The following SLIT3 variants were observed in gnomAD, a reference collection of about 807,000 sequenced individuals.
The protein encoded by SLIT3 is slit guidance ligand 3.
In SLIT3, 68 loss-of-function variants were observed where a neutral mutation model predicts 184.0. The observed-to-expected ratio is 0.37, with a 90% CI of 0.30 to 0.45. The LOEUF is 0.45. Ranked by LOEUF, SLIT3 falls within the 20% of genes least tolerant of loss-of-function variation. SLIT3 has a pLI of 1.00. For missense variants in SLIT3, 1,707 were observed against 2,026.0 expected, an observed-to-expected ratio of 0.84 and a Z score of 3.02; for synonymous variants, 831 against 828.6, an observed-to-expected ratio of 1.00 and a Z score of -0.05.
At chr5:168,948,442 A>C (rs1189244642) in intron 4 of SLIT3, among the ~76,000 whole-genome samples, 2 of 152,132 alleles carry the variant, frequency 1.3e-5, no homozygotes, top group Non-Finnish European at 2.9e-5. Flanking sequence ...CTGCAGATGG[A>C]TGTGAGGCTG....
intron 3 of SLIT3, among the ~76,000 whole-genome samples, chr5:169,227,249 T>C (rs1317343248): frequency 6.6e-6 from 1 of 152,230 alleles, no homozygotes; most frequent in Admixed American, 6.5e-5. Context: ...AAGATTTATA[T>C]ACTAAATTAC....
intron 1 of SLIT3, among the ~76,000 whole-genome samples, chr5:169,294,688 G>A (rs1372917058): frequency 6.6e-6 from 1 of 152,188 alleles, no homozygotes; most frequent in African/African-American, 2.4e-5. Context: ...TTAATGATGG[G>A]GATACGTTCT....
At chr5:169,147,128 C>T (rs1761950985) in intron 4 of SLIT3, among the ~76,000 whole-genome samples, 1 of 152,236 alleles carries the variant, frequency 6.6e-6, no homozygotes, top group African/African-American at 2.4e-5. Context: ...GGGTCCAGCA[C>T]AGGGCTATTT....
chr5:168,852,293 T>G (rs1561968449), intron 5 of SLIT3, among the ~76,000 whole-genome samples: 1 of 152,356 alleles, frequency 6.6e-6, no homozygotes, highest in East Asian at 1.9e-4. Context: ...TTTACTCTGT[T>G]TTTCTAAATC....
chr5:169,257,672 C>T (rs1046511132), intron 1 of SLIT3, among the ~76,000 whole-genome samples: 4 of 150,892 alleles, frequency 2.7e-5, no homozygotes, highest in African/African-American at 9.7e-5. Context: ...CCTGCCTCAG[C>T]CTCCCAAGTA....
chr5:169,041,175 ACTT>A (rs1414086606), intron 4 of SLIT3, among the ~76,000 whole-genome samples: 6 of 152,202 alleles, frequency 3.9e-5, no homozygotes, highest in African/African-American at 1.4e-4. Flanking sequence ...CTTCAGTAAC[ACTT>A]CTTTTGAGAC....
At chr5:168,673,425 TTTTG>T in intron 32 of SLIT3, 94 bp from the exon 33 acceptor site, 1 of 1,176,902 alleles carries the variant, frequency 8.5e-7, no homozygotes, top group Non-Finnish European at 1.2e-6. Flanking sequence ...ATTGCTTACA[TTTTG>T]TTTTACTTTT....
intron 4 of SLIT3, among the ~76,000 whole-genome samples, chr5:169,000,571 C>A (rs988385860): frequency 5.3e-5 from 8 of 151,796 alleles, no homozygotes; most frequent in Non-Finnish European, 1.2e-4. Flanking sequence ...TTATGTAAAA[C>A]AAAAATTTTA....
At chr5:169,178,633 T>C (rs1763056127) in intron 4 of SLIT3, among the ~76,000 whole-genome samples, 1 of 152,146 alleles carries the variant, frequency 6.6e-6, no homozygotes, top group Non-Finnish European at 1.5e-5. Flanking sequence ...TTACCAGATC[T>C]CTATCTTTAG....
chr5:168,738,725 T>G (rs1349843480), intron 20 of SLIT3, among the ~76,000 whole-genome samples: 1 of 152,130 alleles, frequency 6.6e-6, no homozygotes, highest in Non-Finnish European at 1.5e-5. Context: ...GATCACAAGG[T>G]CAGGAGATCG....
At position 168,951,484 on chromosome 5, in the gene SLIT3, AC is replaced by A. The variant is rs146831757; in HGVS notation, c.414-68149del. ...TGCCAGCATTCTGCAAGAGACTAGC[AC>A]CAGTGTTTTCTTTCAAATGGTCAAA... On this transcript the variant is annotated intron_variant, in intron 4 of 35. Coordinates refer to ENST00000519560, the MANE Select transcript of SLIT3 (RefSeq NM_003062.4). 7.3e-3 allele frequency among the ~76,000 whole-genome samples: 1,118 copies of A among 152,284 alleles called. 17 individuals are homozygous for A. The highest frequency in any genetic ancestry group is 0.025 in the African/African-American group (1,053 of 41,548).
Position 168,984,052 on chromosome 5 carries a change from AAT to A in SLIT3, c.414-100718_414-100717del, listed in dbSNP as rs1311966242. 2.7e-5 allele frequency among the ~76,000 whole-genome samples: 4 copies of A among 149,720 alleles called. 1 individual carries two copies. The highest frequency in any genetic ancestry group is 6.8e-3 in the Middle Eastern group (2 of 294). On this transcript the variant is annotated intron_variant, in intron 4 of 35. Transcript: ENST00000519560. ...GTGAGAGAGAGAAACCCTGTCTCAA[AAT>A]ATATATATATTTTTTTTAATGGAAA...
chr5:169,018,183 G>A (rs1014287718), intron 4 of SLIT3, among the ~76,000 whole-genome samples: 2 of 152,162 alleles, frequency 1.3e-5, no homozygotes, highest in East Asian at 1.9e-4. Context: ...TCCCTGGGAC[G>A]GGGATGCCCC....
At chr5:169,255,066 T>G (rs927488112) in intron 1 of SLIT3, among the ~76,000 whole-genome samples, 3 of 152,190 alleles carry the variant, frequency 2.0e-5, no homozygotes, top group Non-Finnish European at 4.4e-5. Context: ...ATCACTCACA[T>G]GTTTATGTGA....
chr5:168,753,850 C>T lies in SLIT3; in HGVS notation c.1829+14G>A. ...CCTCTGGGTCTTGGCCCAGGCCCCA[C>T]CCCAGGCACTCACAAGGTTTTGAGG... On this transcript the variant is annotated intron_variant, in intron 17 of 35. Coordinates refer to ENST00000519560, the MANE Select transcript of SLIT3 (RefSeq NM_003062.4). 1 of 1,608,490 alleles carries T rather than the reference C, an allele frequency of 6.2e-7. No individual in the cohort carries two copies. Among genetic ancestry groups the T allele is most frequent in the Non-Finnish European group, 8.5e-7 (1 of 1,179,140 alleles).
chr5:169,294,262 A>G (rs1339470491), intron 1 of SLIT3, among the ~76,000 whole-genome samples: 1 of 148,994 alleles, frequency 6.7e-6, no homozygotes, highest in Non-Finnish European at 1.5e-5. Flanking sequence ...GAGCATTGAA[A>G]AAAAAAAAAA....
At chr5:169,257,832 G>T (rs12518449) in intron 1 of SLIT3, among the ~76,000 whole-genome samples, 34,652 of 151,908 alleles carry the variant, frequency 0.23, 4,080 homozygotes, top group East Asian at 0.27. Flanking sequence ...TAAAATTATA[G>T]GCATGAGCCA....
At chr5:169,165,572 G>C (rs1561708980) in intron 4 of SLIT3, among the ~76,000 whole-genome samples, 1 of 152,072 alleles carries the variant, frequency 6.6e-6, no homozygotes, top group Non-Finnish European at 1.5e-5. Flanking sequence ...TCATTCATTT[G>C]ACAAATTCGT....
At chr5:169,173,588 A>G (rs1013778599) in intron 4 of SLIT3, among the ~76,000 whole-genome samples, 1 of 152,126 alleles carries the variant, frequency 6.6e-6, no homozygotes, top group South Asian at 2.1e-4. Flanking sequence ...CAAATGTTCT[A>G]ATCTGGGCAG....
Sources: gnomAD v4.1 joint callset for allele counts (sites outside exome capture counted in the v4.1 genomes callset) on GRCh38, gnomAD v4.1.1 for gene constraint, MANE v1.5 for transcripts, NCBI Gene and HGNC (gene_info 2026-07-23, HGNC 2026-07-21) for gene names.